FAM13A: variants seen among roughly 807,000 people sequenced by gnomAD.
The protein encoded by FAM13A is protein FAM13A.
FAM13A carries 76 observed loss-of-function variants against 129.6 expected under a neutral mutation model. The observed-to-expected ratio is 0.59, with a 90% CI of 0.49 to 0.71. The LOEUF (loss-of-function observed/expected upper bound fraction) is 0.71, where lower values mean the gene tolerates loss of function less well. Ranked by LOEUF, FAM13A falls within the 30% of genes least tolerant of loss-of-function variation. FAM13A has a pLI of 0.00. For synonymous variants in FAM13A, 443 were observed against 449.9 expected, an observed-to-expected ratio of 0.98 and a Z score of 0.20; for missense variants, 1,108 against 1,249.3, an observed-to-expected ratio of 0.89 and a Z score of 1.70.
At position 88,739,143 on chromosome 4, in the gene FAM13A, G is replaced by GA; in HGVS notation, c.2467-19dup. The stretch of plus-strand genomic sequence containing the variant: ...TTTGTTACCTGAAAAGCAAGAATGA[G>GA]AGCTATGAGAAGCCTGCTGCTGGGA... On this transcript the variant is annotated intron_variant, in intron 19 of 23. Coordinates refer to ENST00000264344, the MANE Select transcript of FAM13A (RefSeq NM_014883.4). 6.3e-7 allele frequency: 1 copy of GA among 1,575,896 alleles called. No homozygotes were observed. Among genetic ancestry groups the GA allele is most frequent in the Non-Finnish European group, 8.7e-7 (1 of 1,145,260 alleles).
chr4:88,949,046 T>C (rs1756467514), intron 4 of FAM13A, among the ~76,000 whole-genome samples: 1 of 152,282 alleles, frequency 6.6e-6, no homozygotes, highest in South Asian at 2.1e-4. Flanking sequence ...TACAATAACT[T>C]TTTTTACAAA....
intron 6 of FAM13A, among the ~76,000 whole-genome samples, chr4:88,893,702 CACCTACAGCT>C (rs1579156940): frequency 2.0e-5 from 3 of 150,404 alleles, no homozygotes; most frequent in South Asian, 2.1e-4. Flanking sequence ...CCTGTAGTCC[CACCTACAGCT>C]AGCTACTCGG....
intron 4 of FAM13A, among the ~76,000 whole-genome samples, chr4:88,950,908 A>G (rs1049884464): frequency 1.3e-5 from 2 of 152,232 alleles, no homozygotes; most frequent in African/African-American, 4.8e-5. Flanking sequence ...CACAAGACCC[A>G]TAGGCAGTCA....
chr4:88,921,567 G>T (rs1256411655), intron 5 of FAM13A, among the ~76,000 whole-genome samples: 1 of 152,150 alleles, frequency 6.6e-6, no homozygotes, highest in African/African-American at 2.4e-5. Flanking sequence ...AACATGGAAA[G>T]GAACAACTGG....
intron 1 of FAM13A, among the ~76,000 whole-genome samples, chr4:89,037,643 G>A (rs1198246748): frequency 7.2e-5 from 11 of 152,168 alleles, no homozygotes; most frequent in Non-Finnish European, 7.3e-5. Context: ...AAGGGCCAGG[G>A]ACAGAATGAT....
At chr4:88,744,826 G>A (rs1740970105) in intron 19 of FAM13A, among the ~76,000 whole-genome samples, 1 of 152,146 alleles carries the variant, frequency 6.6e-6, no homozygotes, top group Non-Finnish European at 1.5e-5. Flanking sequence ...GAGGCAGAGA[G>A]TTTGGCCCTG....
intron 6 of FAM13A, among the ~76,000 whole-genome samples, chr4:88,882,420 C>T (rs1743732844): frequency 6.6e-6 from 1 of 151,982 alleles, no homozygotes; most frequent in South Asian, 2.1e-4. Context: ...CTTTTTCAGA[C>T]AATGCTGTAT....
At chr4:88,953,826 A>T (rs1463029661) in intron 4 of FAM13A, among the ~76,000 whole-genome samples, 1 of 152,174 alleles carries the variant, frequency 6.6e-6, no homozygotes, top group Non-Finnish European at 1.5e-5. Context: ...GTATGTATAT[A>T]CCTAATTTGT....
At chr4:88,957,315 C>T (rs1225690490) in intron 4 of FAM13A, among the ~76,000 whole-genome samples, 3 of 151,580 alleles carry the variant, frequency 2.0e-5, no homozygotes, top group East Asian at 2.0e-4. Context: ...CATGACAGAG[C>T]GAGACTCTGT....
At chr4:88,810,128 T>C (rs4544678) in intron 7 of FAM13A, among the ~76,000 whole-genome samples, 68,539 of 151,866 alleles carry the variant, frequency 0.45, 15,751 homozygotes, top group East Asian at 0.69. Flanking sequence ...GTTGTTAGTA[T>C]TCACAGAACA....
At chr4:89,042,121 C>T (rs1180352828) in intron 1 of FAM13A, among the ~76,000 whole-genome samples, 8 of 118,714 alleles carry the variant, frequency 6.7e-5, no homozygotes, top group African/African-American at 1.9e-4. Context: ...ATAGACGTTG[C>T]TGGGACCATC....
intron 5 of FAM13A, among the ~76,000 whole-genome samples, chr4:88,923,850 C>A (rs886398993): frequency 2.0e-5 from 3 of 152,110 alleles, no homozygotes; most frequent in African/African-American, 7.2e-5. Context: ...GCAACTTCAG[C>A]AAAGTCTCAG....
At chr4:88,740,561 T>A (rs1740023758) in intron 19 of FAM13A, among the ~76,000 whole-genome samples, 1 of 152,242 alleles carries the variant, frequency 6.6e-6, no homozygotes, top group African/African-American at 2.4e-5. Context: ...GTTTGTCTCC[T>A]GCATTCTCTT....
intron 7 of FAM13A, among the ~76,000 whole-genome samples, chr4:88,845,241 G>C (rs1029924692): frequency 6.6e-6 from 1 of 151,988 alleles, no homozygotes; most frequent in East Asian, 1.9e-4. Context: ...TGAGTCTGGT[G>C]GTCGGGAGAA....
At chr4:88,988,092 T>C (rs1047986735) in intron 4 of FAM13A, among the ~76,000 whole-genome samples, 24 of 152,100 alleles carry the variant, frequency 1.6e-4, no homozygotes. Context: ...CATGTCTACC[T>C]ATGTAACAAA....
chr4:88,835,147 C>A (rs1292818914), intron 7 of FAM13A, among the ~76,000 whole-genome samples: 1 of 152,206 alleles, frequency 6.6e-6, no homozygotes, highest in East Asian at 1.9e-4. Context: ...TCTACAGACA[C>A]ATACATGGAC....
At chr4:88,865,363 G>A (rs922107534) in intron 6 of FAM13A, among the ~76,000 whole-genome samples, 3 of 152,144 alleles carry the variant, frequency 2.0e-5, no homozygotes, top group African/African-American at 7.2e-5. Flanking sequence ...AAACAATCAG[G>A]AATATAATTT....
intron 3 of FAM13A, among the ~76,000 whole-genome samples, chr4:88,993,002 C>T (rs187774720): frequency 9.9e-5 from 15 of 152,242 alleles, no homozygotes; most frequent in East Asian, 5.8e-4. Context: ...TAACATAATG[C>T]TACTGACAGG....
At chr4:88,895,117 T>TA (rs1010726708) in intron 6 of FAM13A, among the ~76,000 whole-genome samples, 1 of 152,054 alleles carries the variant, frequency 6.6e-6, no homozygotes, top group African/African-American at 2.4e-5. Context: ...CATTAGTTAG[T>TA]ACAATGCTTG....
Sources: gnomAD v4.1 joint callset for allele counts (sites outside exome capture counted in the v4.1 genomes callset) on GRCh38, gnomAD v4.1.1 for gene constraint, MANE v1.5 for transcripts, NCBI Gene and HGNC (gene_info 2026-07-23, HGNC 2026-07-21) for gene names.